Variants in SLC44A1 observed in about 807,000 individuals in gnomAD.
SLC44A1 encodes solute carrier family 44 member 1.
A neutral mutation model predicts 79.3 loss-of-function variants in SLC44A1; 26 were observed. The ratio of observed to expected loss-of-function variants is 0.33; its 90% CI spans 0.24 to 0.46. The LOEUF is 0.46. SLC44A1 is among the 20% of genes least tolerant of loss of function. The probability of loss-of-function intolerance (pLI) is 1.00; values close to 1 mark genes in which losing one functional copy is unlikely to be tolerated. For missense variants in SLC44A1, 688 were observed against 798.1 expected (o/e 0.86, Z 1.66); for synonymous variants, 263 against 286.2 (o/e 0.92, Z 0.82).
At position 105,391,246 on chromosome 9, in the gene SLC44A1, G is replaced by A. The variant is rs78722983; in HGVS notation, c.*2190G>A. Reference sequence around the variant, plus strand: ...TTGCTGCTCCCTGTTCCATATGCTCGCAATCTCAGCTATTTGGAAGCTACC... The same window carrying A: ...TTGCTGCTCCCTGTTCCATATGCTCACAATCTCAGCTATTTGGAAGCTACC... On this transcript the variant is annotated 3_prime_UTR_variant, in exon 16 of 16. Transcript: ENST00000374720. 3,226 of 985,608 alleles carry A rather than the reference G, an allele frequency of 3.3e-3. 80 individuals are homozygous for A. In the African/African-American group the frequency reaches 0.052, roughly 16 times the overall value. 61.1% of individuals were successfully genotyped at this position (985,608 alleles called of 1,614,324 possible).
At chr9:105,370,121 T>C (rs988974459) in intron 12 of SLC44A1, among the ~76,000 whole-genome samples, 6 of 152,134 alleles carry the variant, frequency 3.9e-5, no homozygotes, top group African/African-American at 1.4e-4. Context: ...ACTCTAAAAA[T>C]CTCAACCAAG....
chr9:105,268,691 G>A (rs1830014098), intron 1 of SLC44A1, among the ~76,000 whole-genome samples: 1 of 152,050 alleles, frequency 6.6e-6, no homozygotes, highest in South Asian at 2.1e-4. Flanking sequence ...GTAGAGACAA[G>A]GTTTCACCAA....
In SLC44A1 at chr9:105,392,943, TC is replaced by T; in HGVS notation, c.*3888del. 1.0e-6 allele frequency: 1 copy of T among 984,892 alleles called. No individual in the cohort carries two copies. Among genetic ancestry groups the T allele is most frequent in the South Asian group, 4.7e-5 (1 of 21,268 alleles). 61.0% of individuals were successfully genotyped at this position (984,892 alleles called of 1,614,324 possible). A position where few individuals can be genotyped will look rare whatever the true frequency, so the allele number is the denominator to read the frequency against. ...CAATAAGTAAGTTCTTTACTGCTTT[TC>T]TACTGCTACTTTAAAAAAAAAACAA... On this transcript the variant is annotated 3_prime_UTR_variant, in exon 16 of 16. Coordinates refer to ENST00000374720, the MANE Select transcript of SLC44A1 (RefSeq NM_080546.5).
In SLC44A1 at chr9:105,394,727, T is replaced by A; in HGVS notation, c.*5671T>A. 1 of 985,408 alleles carries A rather than the reference T, an allele frequency of 1.0e-6. No individual in the cohort carries two copies. The highest frequency in any genetic ancestry group is 1.7e-5 in the African/African-American group (1 of 57,356). 61.0% of individuals were successfully genotyped at this position (985,408 alleles called of 1,614,324 possible). A position where few individuals can be genotyped will look rare whatever the true frequency, so the allele number is the denominator to read the frequency against. ...GATAAATTAGCAAACTCAAGGGTAG[T>A]CCATAGTTGGCAAAAAATAAATTTG... On this transcript the variant is annotated 3_prime_UTR_variant, in exon 16 of 16. Coordinates refer to ENST00000374720, the MANE Select transcript of SLC44A1 (RefSeq NM_080546.5).
At chr9:105,326,140 G>T (rs146559147) in intron 3 of SLC44A1, among the ~76,000 whole-genome samples, 15 of 152,214 alleles carry the variant, frequency 9.9e-5, no homozygotes, top group Middle Eastern at 3.4e-3. Flanking sequence ...GTACCACCTT[G>T]GTTCACTGCA....
At chr9:105,264,526 A>G (rs947531002) in intron 1 of SLC44A1, among the ~76,000 whole-genome samples, 2 of 152,082 alleles carry the variant, frequency 1.3e-5, no homozygotes, top group Non-Finnish European at 2.9e-5. Flanking sequence ...GTCATGTAGT[A>G]TTTCATCATT....
At chr9:105,308,495 A>T (rs1477591878) in intron 2 of SLC44A1, among the ~76,000 whole-genome samples, 1 of 152,148 alleles carries the variant, frequency 6.6e-6, no homozygotes, top group Non-Finnish European at 1.5e-5. Context: ...GTTTCTACTG[A>T]CTGTAGCTAT....
chr9:105,360,807 T>C (rs553701799), intron 7 of SLC44A1, among the ~76,000 whole-genome samples: 4 of 152,316 alleles, frequency 2.6e-5, no homozygotes, highest in South Asian at 4.1e-4. Context: ...TTAAGCTTCA[T>C]TGATGTTTTC....
intron 1 of SLC44A1, among the ~76,000 whole-genome samples, chr9:105,259,467 A>C (rs1829791889): frequency 6.6e-6 from 1 of 152,206 alleles, no homozygotes. Flanking sequence ...ACAAATGATT[A>C]GTGTGCACAT....
intron 15 of SLC44A1, among the ~76,000 whole-genome samples, chr9:105,388,497 G>A (rs1001342302): frequency 6.6e-6 from 1 of 152,030 alleles, no homozygotes; most frequent in African/African-American, 2.4e-5. Context: ...TTTTAATTTA[G>A]GCTTCATTTT....
At chr9:105,422,463 A>G (rs1032388842) in intron 15 of SLC44A1, among the ~76,000 whole-genome samples, 1 of 151,396 alleles carries the variant, frequency 6.6e-6, no homozygotes, top group Non-Finnish European at 1.5e-5. Flanking sequence ...TAATTTTTGT[A>G]TTTTTAGTAG....
At chr9:105,413,742 G>A (rs1829128596) in intron 15 of SLC44A1, among the ~76,000 whole-genome samples, 1 of 152,204 alleles carries the variant, frequency 6.6e-6, no homozygotes, top group Non-Finnish European at 1.5e-5. Flanking sequence ...ACCTAGTGGA[G>A]TCACTGGCTT....
chr9:105,366,938 C>CT (rs35710961), intron 12 of SLC44A1, among the ~76,000 whole-genome samples: 19,219 of 145,502 alleles, frequency 0.13, 2,311 homozygotes, highest in African/African-American at 0.33. Flanking sequence ...TATGCTGATA[C>CT]TTTTTTTTTT....
At chr9:105,359,146 T>C (rs1588829414) in intron 7 of SLC44A1, among the ~76,000 whole-genome samples, 2 of 152,190 alleles carry the variant, frequency 1.3e-5, no homozygotes, top group South Asian at 2.1e-4. Context: ...TTAAAAACTT[T>C]TATAATTATA....
At chr9:105,256,298 C>T (rs1829704794) in intron 1 of SLC44A1, among the ~76,000 whole-genome samples, 2 of 152,162 alleles carry the variant, frequency 1.3e-5, no homozygotes, top group Non-Finnish European at 1.5e-5. Context: ...AGGCATGAGC[C>T]ACCACACCCA....
chr9:105,420,167 C>T (rs1304316412), intron 15 of SLC44A1, among the ~76,000 whole-genome samples: 5 of 152,120 alleles, frequency 3.3e-5, no homozygotes, highest in East Asian at 1.9e-4. Flanking sequence ...CCAGGATCCC[C>T]GACCCTGACC....
chr9:105,261,959 A>G (rs2131214092), intron 1 of SLC44A1, among the ~76,000 whole-genome samples: 1 of 151,340 alleles, frequency 6.6e-6, no homozygotes, highest in South Asian at 2.1e-4. Flanking sequence ...TTATTTTTTT[A>G]TTTTTAGTTG....
chr9:105,405,665 G>T (rs1328997280), intron 15 of SLC44A1, among the ~76,000 whole-genome samples: 1 of 152,114 alleles, frequency 6.6e-6, no homozygotes, highest in Non-Finnish European at 1.5e-5. Flanking sequence ...AATTGTGGTT[G>T]TGTGTTTTGA....
chr9:105,382,186 T>C (rs189942463), intron 13 of SLC44A1, among the ~76,000 whole-genome samples: 6 of 152,316 alleles, frequency 3.9e-5, no homozygotes, highest in Non-Finnish European at 8.8e-5. Flanking sequence ...CTCTTTTTTT[T>C]CTACTCAGGT....
Sources: allele counts gnomAD v4.1 joint callset (sites outside exome capture counted in the v4.1 genomes callset), GRCh38; gene constraint gnomAD v4.1.1; transcripts MANE v1.5; gene names NCBI Gene and HGNC (gene_info 2026-07-23, HGNC 2026-07-21).